Variants in CNTRL observed in about 807,000 individuals in gnomAD.
The protein encoded by CNTRL is centriolin.
A neutral mutation model predicts 303.7 loss-of-function variants in CNTRL; 233 were observed. The ratio of observed to expected loss-of-function variants is 0.77; its 90% CI spans 0.69 to 0.86. The LOEUF is 0.86. CNTRL is among the 40% of genes least tolerant of loss of function. The pLI is 0.00. For missense variants in CNTRL, 2,524 were observed against 2,650.6 expected (o/e 0.95, Z 1.05); for synonymous variants, 900 against 922.2 (o/e 0.98, Z 0.44).
At chr9:121,110,356 G>A (rs1039914285) in intron 8 of CNTRL, among the ~76,000 whole-genome samples, 2 of 152,122 alleles carry the variant, frequency 1.3e-5, no homozygotes, top group African/African-American at 4.8e-5. Flanking sequence ...ATGGAAGGTA[G>A]TAAATCTATA....
chr9:121,119,525 A>T (rs2050137238), intron 12 of CNTRL, among the ~76,000 whole-genome samples: 1 of 151,240 alleles, frequency 6.6e-6, no homozygotes, highest in Non-Finnish European at 1.5e-5. Context: ...TGATCTCCTG[A>T]CCTTGTGATC....
At chr9:121,103,767 A>T (rs1297101773) in intron 7 of CNTRL, among the ~76,000 whole-genome samples, 1 of 152,248 alleles carries the variant, frequency 6.6e-6, no homozygotes, top group Non-Finnish European at 1.5e-5. Flanking sequence ...GAAGACATTT[A>T]TGAAAAAATG....
At chr9:121,122,975 G>A (rs549237144) in intron 12 of CNTRL, among the ~76,000 whole-genome samples, 30 of 152,234 alleles carry the variant, frequency 2.0e-4, no homozygotes, top group Non-Finnish European at 4.0e-4. Flanking sequence ...TCAGTTTATT[G>A]AAAAGCCAAA....
At chr9:121,102,621 G>A (rs1426586172) in intron 7 of CNTRL, among the ~76,000 whole-genome samples, 1 of 152,212 alleles carries the variant, frequency 6.6e-6, no homozygotes, top group Non-Finnish European at 1.5e-5. Flanking sequence ...CCTGTTTGCA[G>A]ATGACGTGAT....
chr9:121,153,523 C>T (rs753079318), intron 26 of CNTRL, among the ~76,000 whole-genome samples: 11 of 152,242 alleles, frequency 7.2e-5, no homozygotes, highest in Non-Finnish European at 1.6e-4. Flanking sequence ...TATTTCTTCT[C>T]AGGTGCCCAC....
intron 23 of CNTRL, among the ~76,000 whole-genome samples, chr9:121,148,357 TTGAGCCCTTC>T (rs2052004346): frequency 6.6e-6 from 1 of 152,172 alleles, no homozygotes; most frequent in Admixed American, 6.5e-5. Flanking sequence ...TCACCACACT[TTGAGCCCTTC>T]ACTTTCACAG....
In CNTRL at chr9:121,098,467, C is replaced by T. The variant is rs1353707579; in HGVS notation, c.703C>T (p.His235Tyr). The T allele has an allele frequency of 5.0e-6, 8 of 1,613,674 alleles. No individual in the cohort carries two copies. The highest frequency in any genetic ancestry group is 6.8e-6 in the Non-Finnish European group (8 of 1,179,706). ...TGAAAATCCAGTTGTGACCCTTCCT[C>T]ATTACCTCCAGTTTACCATTTTCCA... ...LVENPVVTLP[H>Y]YLQFTIFHLR... Residue 235 changes from histidine (H) to tyrosine (Y), a missense_variant, in exon 7 of 44, where the codon CAT (histidine) becomes TAT (tyrosine). His to Tyr is a moderately conservative substitution (Grantham distance 83). Coordinates refer to ENST00000373855, the MANE Select transcript of CNTRL (RefSeq NM_007018.6).
chr9:121,150,082 C>A, intron 24 of CNTRL, 88 bp from the exon 25 acceptor site: 1 of 1,025,878 alleles, frequency 9.7e-7, no homozygotes, highest in Non-Finnish European at 1.4e-6. Flanking sequence ...TTAAATGCTG[C>A]TGTTCTCTAC....
chr9:121,141,546 A>G lies in CNTRL; in HGVS notation c.2649A>G (p.Gln883=), dbSNP rs770309841. 2 of 1,614,152 alleles carry G rather than the reference A, an allele frequency of 1.2e-6. No individual in the cohort carries two copies. The highest frequency in any genetic ancestry group is 1.7e-6 in the Non-Finnish European group (2 of 1,179,998). The change falls in exon 18 of 44, where the codon CAA becomes CAG. Residue 883 remains glutamine, a synonymous_variant. Coordinates refer to ENST00000373855, the MANE Select transcript of CNTRL (RefSeq NM_007018.6). ...ALQQEKLATG[Q]EEFRQACERA... ...AGCAAGAGAAACTGGCAACTGGACA[A>G]GAAGAGTTCAGGCAGGCCTGTGAGA...
intron 12 of CNTRL, 50 bp from the exon 13 acceptor site, chr9:121,123,881 A>G: frequency 7.0e-7 from 1 of 1,430,988 alleles, no homozygotes. Flanking sequence ...TATTACTTTT[A>G]AAGGAGTTTA....
Position 121,166,064 on chromosome 9 carries a change from A to G in CNTRL, c.5582-43A>G, listed in dbSNP as rs145513965. 7,717 of 1,444,230 alleles carry G rather than the reference A, an allele frequency of 5.3e-3. 51 individuals carry two copies. Among genetic ancestry groups the G allele is most frequent in the Admixed American group, 0.025 (1,450 of 57,232 alleles). 89.5% of individuals were successfully genotyped at this position (1,444,230 alleles called of 1,614,324 possible). A position where few individuals can be genotyped will look rare whatever the true frequency, so the allele number is the denominator to read the frequency against. On this transcript the variant is annotated intron_variant, in intron 35 of 43. Transcript: ENST00000373855. ...ATGCTAATGGGAATCTGTACAGTAA[A>G]TACGTATGTATTTCTTATTTCATGA...
In CNTRL at chr9:121,169,601, C is replaced by T; in HGVS notation, c.6071-10C>T. The stretch of plus-strand genomic sequence containing the variant: ...TCTTTGGCTAAACCTACTGAAAATG[C>T]TCATTTCAGAACGGCAGCTTTCAGA... On this transcript the variant is annotated splice_polypyrimidine_tract_variant and intron_variant, in intron 38 of 43. Coordinates refer to ENST00000373855, the MANE Select transcript of CNTRL (RefSeq NM_007018.6). 6.2e-7 allele frequency: 1 copy of T among 1,613,868 alleles called. No homozygotes were observed. The highest frequency in any genetic ancestry group is 1.1e-5 in the South Asian group (1 of 91,076).
chr9:121,100,516 CCAGCTAACAT>C (rs1159809664), intron 7 of CNTRL, among the ~76,000 whole-genome samples: 1 of 152,178 alleles, frequency 6.6e-6, no homozygotes, highest in Non-Finnish European at 1.5e-5. Flanking sequence ...AGCAAAATAA[CCAGCTAACAT>C]CATAATGAAA....
intron 32 of CNTRL, 82 bp downstream of exon 32, chr9:121,160,384 C>T (rs112276427): frequency 2.6e-5 from 27 of 1,037,920 alleles, no homozygotes; most frequent in African/African-American, 2.1e-4. Flanking sequence ...TAACAAATGG[C>T]CAAAAAAACT....
intron 7 of CNTRL, among the ~76,000 whole-genome samples, chr9:121,105,849 G>T (rs2132921951): frequency 6.6e-6 from 1 of 152,248 alleles, no homozygotes; most frequent in East Asian, 1.9e-4. Context: ...GAATAGGAGA[G>T]AGACATTTGG....
chr9:121,137,750 T>G (rs539979552), intron 15 of CNTRL, among the ~76,000 whole-genome samples: 79 of 152,164 alleles, frequency 5.2e-4, no homozygotes, highest in South Asian at 3.1e-3. Flanking sequence ...AAATAAAATT[T>G]CTAGATGGCA....
At chr9:121,106,562 T>G (rs1376798824) in intron 7 of CNTRL, among the ~76,000 whole-genome samples, 2 of 152,224 alleles carry the variant, frequency 1.3e-5, no homozygotes, top group South Asian at 2.1e-4. Flanking sequence ...TGGGGTCATT[T>G]TCTTAATTAA....
At chr9:121,112,258 T>C (rs2049780567) in intron 8 of CNTRL, among the ~76,000 whole-genome samples, 1 of 152,206 alleles carries the variant, frequency 6.6e-6, no homozygotes, top group African/African-American at 2.4e-5. Flanking sequence ...GTCTTTTACA[T>C]GATCTCTGAT....
At chr9:121,134,279 C>G (rs939777269) in intron 14 of CNTRL, among the ~76,000 whole-genome samples, 7 of 145,338 alleles carry the variant, frequency 4.8e-5, no homozygotes, top group African/African-American at 1.5e-4. Context: ...CTAATGTCCT[C>G]TAATATCATT....
Sources: gnomAD v4.1 joint callset for allele counts (sites outside exome capture counted in the v4.1 genomes callset) on GRCh38, gnomAD v4.1.1 for gene constraint, MANE v1.5 for transcripts, NCBI Gene and HGNC (gene_info 2026-07-23, HGNC 2026-07-21) for gene names.